KIF26B: variants seen among roughly 807,000 people sequenced by gnomAD.
KIF26B encodes kinesin family member 26B.
KIF26B carries 63 observed loss-of-function variants against 151.2 expected under a neutral mutation model. The observed-to-expected ratio is 0.42, with a 90% confidence interval of 0.34 to 0.51. KIF26B has a LOEUF of 0.51. KIF26B is among the 20% of genes least tolerant of loss of function. The pLI is 0.07. For synonymous variants in KIF26B, 1,357 were observed against 1,262.1 expected, an observed-to-expected ratio of 1.08 and a Z score of -1.59; for missense variants, 2,813 against 2,913.6, an observed-to-expected ratio of 0.97 and a Z score of 0.79.
At chr1:245,622,220 A>G (rs1166620857) in intron 9 of KIF26B, among the ~76,000 whole-genome samples, 1 of 151,932 alleles carries the variant, frequency 6.6e-6, no homozygotes, top group Non-Finnish European at 1.5e-5. Context: ...TTCCCCTTAA[A>G]GGGGTTTTAC....
intron 10 of KIF26B, among the ~76,000 whole-genome samples, chr1:245,652,333 A>G (rs1174463114): frequency 6.6e-6 from 1 of 152,116 alleles, no homozygotes; most frequent in Non-Finnish European, 1.5e-5. Flanking sequence ...AGCAATGATA[A>G]TTCTTAGTAT....
At chr1:245,292,106 T>C (rs1300536640) in intron 2 of KIF26B, among the ~76,000 whole-genome samples, 2 of 152,184 alleles carry the variant, frequency 1.3e-5, no homozygotes. Context: ...GGACATGAAA[T>C]TCCTTCCATT....
Position 245,686,176 on chromosome 1 carries a change from TC to T in KIF26B, c.3199del (p.Arg1067GlyfsTer65). 3 of 1,611,118 alleles carry T rather than the reference TC, an allele frequency of 1.9e-6. No individual in the cohort carries two copies. The African/African-American group carries it at 4.0e-5, about 22-fold the overall frequency. The stretch of plus-strand genomic sequence containing the variant: ...GGAAGGCAAGCCCAGGCCCATGGGC[TC>T]CCCCCGGCTGGGCATCGCCAGCCTG... Reference protein sequence around the residue: ...FVEGKPRPMGSPRLGIASLSK... With the variant: ...FVEGKPRPMGXPRLGIASLSK... On this transcript the variant is annotated frameshift_variant, in exon 12 of 15. Coordinates refer to ENST00000407071, the MANE Select transcript of KIF26B (RefSeq NM_018012.4). LOFTEE classifies it high-confidence loss of function. This position sits in a 1 kb window ranked among gnomAD's most constrained non-coding sequence, Gnocchi z 5.6.
rs7545799 is a variant in KIF26B, at chr1:245,572,538, C to T, written c.1351-30039C>T. Reference sequence around the variant, plus strand: ...GACCTCAGGACCCTCCCGGTGAACACTCAGTTAAAATTCCTACTCGCTGCA... The same window carrying T: ...GACCTCAGGACCCTCCCGGTGAACATTCAGTTAAAATTCCTACTCGCTGCA... On this transcript the variant is annotated intron_variant, in intron 5 of 14. Transcript: ENST00000407071. This position sits in a 1 kb window ranked among gnomAD's most constrained non-coding sequence, Gnocchi z 4.2. Among the ~76,000 whole-genome samples, 1,545 of 152,168 alleles carry T rather than the reference C, an allele frequency of 0.01. 31 individuals are homozygous for T. Among genetic ancestry groups the T allele is most frequent in the African/African-American group, 0.035 (1,465 of 41,510 alleles).
At chr1:245,247,350 C>T (rs1377687269) in intron 2 of KIF26B, among the ~76,000 whole-genome samples, 3 of 151,470 alleles carry the variant, frequency 2.0e-5, no homozygotes, top group Non-Finnish European at 2.9e-5. Context: ...CCCAGCTACT[C>T]GGGAGGCTGA....
At chr1:245,201,710 A>G (rs1238849545) in intron 2 of KIF26B, among the ~76,000 whole-genome samples, 1 of 152,186 alleles carries the variant, frequency 6.6e-6, no homozygotes, top group Non-Finnish European at 1.5e-5. Flanking sequence ...ATTATCTACT[A>G]TTTAAAGCCT....
chr1:245,656,360 T>C (rs10924285), intron 10 of KIF26B, among the ~76,000 whole-genome samples: 88,846 of 152,104 alleles, frequency 0.58, 26,264 homozygotes, highest in Middle Eastern at 0.63. Context: ...GTCCTCTAAA[T>C]GCCTGAGTCA....
chr1:245,695,543 C>T (rs61831282), intron 12 of KIF26B, among the ~76,000 whole-genome samples: 4,831 of 152,262 alleles, frequency 0.032, 108 homozygotes, highest in South Asian at 0.08. Flanking sequence ...CTTGTTCATT[C>T]GTGTGCAGGA....
At chr1:245,203,768 C>G (rs1480355460) in intron 2 of KIF26B, among the ~76,000 whole-genome samples, 1 of 152,228 alleles carries the variant, frequency 6.6e-6, no homozygotes, top group Non-Finnish European at 1.5e-5. Flanking sequence ...CACTCCTTGT[C>G]TCTGTGCATC....
chr1:245,235,589 CAAAGA>C (rs1215020140), intron 2 of KIF26B, among the ~76,000 whole-genome samples: 3 of 146,388 alleles, frequency 2.0e-5, no homozygotes, highest in East Asian at 2.0e-4. Context: ...ACTCTGGAAA[CAAAGA>C]AAAGAAAAGA....
intron 5 of KIF26B, among the ~76,000 whole-genome samples, chr1:245,549,126 CGT>C (rs1180008556): frequency 2.0e-5 from 3 of 151,852 alleles, no homozygotes; most frequent in Non-Finnish European, 4.4e-5. Context: ...TGTGTGTGCA[CGT>C]GTGTGTGTGT....
At chr1:245,609,162 C>G in intron 7 of KIF26B, 104 bp from the exon 8 acceptor site, 1 of 1,102,348 alleles carries the variant, frequency 9.1e-7, no homozygotes, top group Non-Finnish European at 1.3e-6. Flanking sequence ...CTTTTCCCCC[C>G]TTCCCTGTGC....
intron 4 of KIF26B, among the ~76,000 whole-genome samples, chr1:245,444,062 T>TAGA (rs1659188337): frequency 2.9e-5 from 4 of 137,072 alleles, no homozygotes; most frequent in Non-Finnish European, 6.3e-5. Context: ...CTGTTCACCC[T>TAGA]GCGGTCATCT....
chr1:245,654,259 G>C (rs1400390757), intron 10 of KIF26B, among the ~76,000 whole-genome samples: 1 of 152,074 alleles, frequency 6.6e-6, no homozygotes, highest in Non-Finnish European at 1.5e-5. Flanking sequence ...CAGGACCCAA[G>C]CTACTTATCA....
chr1:245,567,287 G>A (rs2043019273), intron 5 of KIF26B, among the ~76,000 whole-genome samples: 1 of 152,214 alleles, frequency 6.6e-6, no homozygotes, highest in African/African-American at 2.4e-5. Context: ...CCATTGTGTG[G>A]AAGAGCTTCC....
rs149775629 is a variant in KIF26B, at chr1:245,705,139, G to A, written c.*2533G>A. 4 of 152,240 alleles carry A rather than the reference G, an allele frequency of 2.6e-5. No individual in the cohort carries two copies. Among genetic ancestry groups the A allele is most frequent in the African/African-American group, 4.8e-5 (2 of 41,546 alleles). The allele number at this position is 152,240 out of a possible 1,614,324, so 9.4% of individuals were successfully genotyped here. A position where few individuals can be genotyped will look rare whatever the true frequency, so the allele number is the denominator to read the frequency against. On this transcript the variant is annotated 3_prime_UTR_variant, in exon 15 of 15. Transcript: ENST00000407071. ...GCAACTTTATGCTGTAACAAAAGGCGGAAGGAAACCAAGAGTTCTCTTAGC... is the reference window on the plus strand; with the variant it reads ...GCAACTTTATGCTGTAACAAAAGGCAGAAGGAAACCAAGAGTTCTCTTAGC...
At position 245,166,688 on chromosome 1, in the gene KIF26B, C is replaced by T. The variant is rs563818186; in HGVS notation, c.465+10005C>T. Among the ~76,000 whole-genome samples the T allele has an allele frequency of 6.6e-6, 1 of 152,326 alleles. No individual in the cohort carries two copies. Among genetic ancestry groups the T allele is most frequent in the African/African-American group, 2.4e-5 (1 of 41,574 alleles). On this transcript the variant is annotated intron_variant, in intron 2 of 14. Transcript: ENST00000407071. This position sits in a 1 kb window ranked among gnomAD's most constrained non-coding sequence, Gnocchi z 4.5. ...GCACCAGGAATTTGGGCTTATCTGC[C>T]TTCCAATCCAGCTTTATCTGTCTCA... is the stretch of plus-strand genomic sequence containing the variant.
chr1:245,336,842 A>G (rs559878555), intron 2 of KIF26B, among the ~76,000 whole-genome samples: 86 of 152,310 alleles, frequency 5.6e-4, no homozygotes, highest in Middle Eastern at 3.4e-3. Flanking sequence ...TTTGAAATGA[A>G]ACTAGGCTAG....
At chr1:245,310,466 C>T (rs936761677) in intron 2 of KIF26B, among the ~76,000 whole-genome samples, 14 of 152,154 alleles carry the variant, frequency 9.2e-5, no homozygotes, top group African/African-American at 3.4e-4. Flanking sequence ...AGCATCATGA[C>T]AATATTCTAA....
Sources: allele counts gnomAD v4.1 joint callset (sites outside exome capture counted in the v4.1 genomes callset), GRCh38; gene constraint gnomAD v4.1.1; non-coding constraint Gnocchi (gnomAD v3.1); transcripts MANE v1.5; gene names NCBI Gene and HGNC (gene_info 2026-07-23, HGNC 2026-07-21).